The following PPL variants were observed in gnomAD, a reference collection of about 807,000 sequenced individuals.
The protein encoded by PPL is 190 kDa paraneoplastic pemphigus antigen.
PPL carries 198 observed loss-of-function variants against 194.4 expected under a neutral mutation model. That is an observed-to-expected ratio of 1.02 (90% CI 0.91 to 1.15). PPL has a LOEUF of 1.15. Among genes scored for constraint, PPL ranks in the 50% most tolerant of loss-of-function variants. The pLI is 0.00. For missense variants in PPL, 2,885 were observed against 2,294.8 expected, an observed-to-expected ratio of 1.26 and a Z score of -5.25; for synonymous variants, 1,220 against 972.4, an observed-to-expected ratio of 1.25 and a Z score of -4.74.
chr16:4,920,082 G>A (rs1301114856), intron 1 of PPL, among the ~76,000 whole-genome samples: 2 of 151,578 alleles, frequency 1.3e-5, no homozygotes, highest in Non-Finnish European at 2.9e-5. Context: ...TCAGGAGATC[G>A]AGATCATCCT....
intron 21 of PPL, among the ~76,000 whole-genome samples, chr16:4,886,914 C>T (rs779189394): frequency 5.9e-5 from 9 of 152,370 alleles, no homozygotes; most frequent in Middle Eastern, 3.4e-3. Context: ...CCACCATGCC[C>T]AGCTGAAAAT....
rs2142359146 is a variant in PPL, at chr16:4,899,019, G to A, written c.870C>T (p.Ser290=). ...GGTCTCGGGGTGCATGAACCTCAATGGAGTTCCTCCCGGGGTGCTCGGCCG... is the reference window on the plus strand; with the variant it reads ...GGTCTCGGGGTGCATGAACCTCAATAGAGTTCCTCCCGGGGTGCTCGGCCG... ...LLAAEHPGRN[S]IEAHMEAVHA... is the part of the protein sequence containing the mutation. The change falls in exon 8 of 22, where the codon TCC becomes TCT. Residue 290 remains serine, a synonymous_variant. Coordinates refer to ENST00000345988, the MANE Select transcript of PPL (RefSeq NM_002705.5). The A allele has an allele frequency of 6.2e-7, 1 of 1,613,436 alleles. No homozygotes were observed. The highest frequency in any genetic ancestry group is 8.5e-7 in the Non-Finnish European group (1 of 1,179,848).
intron 16 of PPL, 127 bp from the exon 17 acceptor site, chr16:4,891,048 G>A (rs759142673): frequency 2.4e-5 from 18 of 758,314 alleles, no homozygotes; most frequent in African/African-American, 5.3e-5. Context: ...AGGAAGGACC[G>A]GAGCCTTGCT....
intron 2 of PPL, 46 bp from the exon 3 acceptor site, chr16:4,904,086 G>A (rs755944577): frequency 5.7e-6 from 9 of 1,577,886 alleles, no homozygotes; most frequent in African/African-American, 4.0e-5. Context: ...AGCCGAGAGC[G>A]GGCACGGTGG....
At chr16:4,895,138 C>T in intron 11 of PPL, 123 bp downstream of exon 11, 2 of 1,248,794 alleles carry the variant, frequency 1.6e-6, no homozygotes, top group South Asian at 3.3e-5. Context: ...GAAGGGTTGG[C>T]AGAGTGACAC....
At position 4,902,364 on chromosome 16, in the gene PPL, C is replaced by G. The variant is rs1242688735; in HGVS notation, c.438+42G>C. 2.5e-6 allele frequency: 4 copies of G among 1,610,314 alleles called. No homozygotes were observed. Among genetic ancestry groups the G allele is most frequent in the Admixed American group, 3.4e-5 (2 of 59,592 alleles). On this transcript the variant is annotated intron_variant, in intron 4 of 21. Transcript: ENST00000345988. This position sits in a 1 kb window ranked among gnomAD's most constrained non-coding sequence, Gnocchi z 4.0. ...TCCCTGCACACGCACAGCCCCCTCC[C>G]CAGCTGAAACCCTGGAGCCAGCGGC...
At chr16:4,926,804 G>C (rs940315295) in intron 1 of PPL, among the ~76,000 whole-genome samples, 7 of 150,286 alleles carry the variant, frequency 4.7e-5, no homozygotes, top group African/African-American at 1.7e-4. Context: ...GCGTGAACCT[G>C]GGAGGCAGAA....
intron 1 of PPL, among the ~76,000 whole-genome samples, chr16:4,927,111 A>G (rs1750078711): frequency 6.6e-6 from 1 of 152,188 alleles, no homozygotes; most frequent in Admixed American, 6.6e-5. Flanking sequence ...ATAAATGTAA[A>G]TGAGTTAATT....
intron 14 of PPL, chr16:4,892,946 T>G: frequency 2.4e-6 from 1 of 415,506 alleles, no homozygotes; most frequent in Non-Finnish European, 4.3e-6. Flanking sequence ...CCTGCGGAAT[T>G]CCACAGCCCA....
chr16:4,916,188 C>A (rs897506978), intron 1 of PPL, among the ~76,000 whole-genome samples: 1 of 152,168 alleles, frequency 6.6e-6, no homozygotes, highest in Non-Finnish European at 1.5e-5. Flanking sequence ...AGCAAGTCCA[C>A]CCCTACGTAT....
chr16:4,918,937 C>T (rs868153887), intron 1 of PPL, among the ~76,000 whole-genome samples: 12 of 152,090 alleles, frequency 7.9e-5, no homozygotes, highest in Non-Finnish European at 1.3e-4. Context: ...TGAGCCGCAT[C>T]GGGGCAGCCA....
rs2088294023 is a variant in PPL, at chr16:4,890,242, T to C, written c.2255A>G (p.Tyr752Cys). Residue 752 changes from tyrosine (Y) to cysteine (C), a missense_variant, in exon 18 of 22, where the codon TAC becomes TGC. Transcript: ENST00000345988. ...GAGGCTGTCTGTCTCCTGGGGCTCGTAACTGGGGATGCTGACTAGGAACTG... is the reference window on the plus strand; with the variant it reads ...GAGGCTGTCTGTCTCCTGGGGCTCGCAACTGGGGATGCTGACTAGGAACTG... ...VLQFLVSIPS[Y>C]EPQETDSLSQ... is the part of the protein sequence containing the mutation. 6.2e-7 allele frequency: 1 copy of C among 1,614,166 alleles called. No homozygotes were observed. Among genetic ancestry groups the C allele is most frequent in the African/African-American group, 1.3e-5 (1 of 75,040 alleles).
chr16:4,888,183 A>G lies in PPL; in HGVS notation c.2433T>C (p.Leu811=). 1 of 1,613,634 alleles carries G rather than the reference A, an allele frequency of 6.2e-7. No individual in the cohort carries two copies. Among genetic ancestry groups the G allele is most frequent in the Non-Finnish European group, 8.5e-7 (1 of 1,179,590 alleles). The change falls in exon 20 of 22, where the codon CTT becomes CTC. Residue 811 remains leucine, a synonymous_variant. Transcript: ENST00000345988. ...YELEAEKLRS[L]LDLENGRRSH... Reference sequence around the variant, plus strand: ...TTCTCCTTCCATTCTCCAAGTCGAGAAGAGACCTTAGTTTTTCTGCTTCTA... The same window carrying G: ...TTCTCCTTCCATTCTCCAAGTCGAGGAGAGACCTTAGTTTTTCTGCTTCTA...
chr16:4,892,223 C>T lies in PPL; in HGVS notation c.1651-10G>A. 1 of 1,604,920 alleles carries T rather than the reference C, an allele frequency of 6.2e-7. No homozygotes were observed. The highest frequency in any genetic ancestry group is 8.5e-7 in the Non-Finnish European group (1 of 1,173,088). On this transcript the variant is annotated splice_polypyrimidine_tract_variant and intron_variant, in intron 14 of 21. Coordinates refer to ENST00000345988, the MANE Select transcript of PPL (RefSeq NM_002705.5). ...GCTCGTTGGTGATGTTCTGTGGGAA[C>T]CAGGGCCCCTCAGTTTTGGACACAG... is the stretch of plus-strand genomic sequence containing the variant.
rs780244720 is a variant in PPL, at chr16:4,929,852, AT to A, written c.62+7131del. The stretch of plus-strand genomic sequence containing the variant: ...AGGCATGCACCACCATGCCCAGCTA[AT>A]TTTTTTTTTTTTTTGGTAGAAATAG... On this transcript the variant is annotated intron_variant, in intron 1 of 21. Transcript: ENST00000345988. 8.2e-3 allele frequency among the ~76,000 whole-genome samples: 1,150 copies of A among 140,338 alleles called. 1 individual carries two copies. The highest frequency in any genetic ancestry group is 0.018 in the Middle Eastern group (5 of 272). The allele number at this position is 140,338 out of a possible 152,430, so 92.1% of individuals were successfully genotyped here.
rs1416920066 is a variant in PPL, at chr16:4,897,780, A to G, written c.877-10T>C. On this transcript the variant is annotated splice_polypyrimidine_tract_variant and intron_variant, in intron 8 of 21. Coordinates refer to ENST00000345988, the MANE Select transcript of PPL (RefSeq NM_002705.5). ...CAGCCTCCATGTGCGCCTGCCAGGAAGAGAAGGGGCCGGTCACCACTGGGC... is the reference window on the plus strand; with the variant it reads ...CAGCCTCCATGTGCGCCTGCCAGGAGGAGAAGGGGCCGGTCACCACTGGGC... The G allele has an allele frequency of 1.2e-6, 2 of 1,611,754 alleles. No individual in the cohort carries two copies.
At chr16:4,899,428 T>A (rs769210715) in intron 6 of PPL, 44 bp from the exon 7 acceptor site, 3 of 1,258,216 alleles carry the variant, frequency 2.4e-6, no homozygotes, top group Non-Finnish European at 3.1e-6. Flanking sequence ...CTCAGCCCGC[T>A]GCCACTGCTC....
In PPL at chr16:4,885,776, T is replaced by C; in HGVS notation, c.2879A>G (p.Glu960Gly). The change falls in exon 22 of 22, where the codon GAG becomes GGG. Residue 960 changes from glutamate to glycine, a missense_variant. Coordinates refer to ENST00000345988, the MANE Select transcript of PPL (RefSeq NM_002705.5). The surrounding 1 kb of genome is among the most constrained non-coding windows in gnomAD (Gnocchi z 6.3). Reference protein sequence around the residue: ...FQQLQRTLAEEQHKNQLLQEE... With the variant: ...FQQLQRTLAEGQHKNQLLQEE... ...CTGCAGCAGCTGGTTCTTGTGCTGC[T>C]CCTCTGCCAGCGTCCGCTGCAGCTG... 1 of 1,611,128 alleles carries C rather than the reference T, an allele frequency of 6.2e-7. No individual in the cohort carries two copies. The highest frequency in any genetic ancestry group is 8.5e-7 in the Non-Finnish European group (1 of 1,179,994).
chr16:4,888,229 G>C lies in PPL; in HGVS notation c.2398-11C>G. On this transcript the variant is annotated splice_polypyrimidine_tract_variant and intron_variant, in intron 19 of 21. Transcript: ENST00000345988. ...TTCTAACTCATAGTCCTGCATGAGGGAGAGACATGGCAGAGGGGAGATTAA... is the reference window on the plus strand; with the variant it reads ...TTCTAACTCATAGTCCTGCATGAGGCAGAGACATGGCAGAGGGGAGATTAA... 1 of 1,551,330 alleles carries C rather than the reference G, an allele frequency of 6.4e-7. No homozygotes were observed. The highest frequency in any genetic ancestry group is 8.9e-7 in the Non-Finnish European group (1 of 1,122,932).
Sources: gnomAD v4.1 joint callset for allele counts (sites outside exome capture counted in the v4.1 genomes callset) on GRCh38, gnomAD v4.1.1 for gene constraint, Gnocchi (gnomAD v3.1) non-coding constraint, MANE v1.5 for transcripts, NCBI Gene and HGNC (gene_info 2026-07-23, HGNC 2026-07-21) for gene names.